IRS1: variants seen among roughly 807,000 people sequenced by gnomAD.
IRS1 encodes the protein insulin receptor substrate 1.
A neutral mutation model predicts 65.6 loss-of-function variants in IRS1; 34 were observed. The observed-to-expected ratio is 0.52, with a 90% CI of 0.39 to 0.69. The LOEUF is 0.69. IRS1 is among the 30% of genes least tolerant of loss of function. IRS1 has a pLI of 0.00. For missense variants in IRS1, 1,641 were observed against 1,720.2 expected (o/e 0.95, Z 0.81); for synonymous variants, 699 against 683.5 (o/e 1.02, Z -0.35).
intron 1 of IRS1, among the ~76,000 whole-genome samples, chr2:226,769,776 T>C (rs1172532485): frequency 6.6e-6 from 1 of 152,202 alleles, no homozygotes; most frequent in Non-Finnish European, 1.5e-5. Context: ...AAATTAGTCA[T>C]AAGCCAATGG....
chr2:226,759,001 A>G (rs1197758178), intron 1 of IRS1, among the ~76,000 whole-genome samples: 6 of 152,228 alleles, frequency 3.9e-5, no homozygotes, highest in Admixed American at 3.9e-4. Context: ...TTGTGTGATT[A>G]TACATTCACT....
intron 1 of IRS1, among the ~76,000 whole-genome samples, chr2:226,742,916 G>C (rs966780138): frequency 6.6e-6 from 1 of 152,120 alleles, no homozygotes; most frequent in Admixed American, 6.5e-5. Context: ...GTAATTAAAA[G>C]TATTCTGTCA....
intron 1 of IRS1, among the ~76,000 whole-genome samples, chr2:226,788,718 T>G (rs1939533832): frequency 6.6e-6 from 1 of 152,166 alleles, no homozygotes; most frequent in Non-Finnish European, 1.5e-5. Flanking sequence ...TACAATAAAT[T>G]TTTGTAACTA....
At chr2:226,756,519 C>A (rs189315522) in intron 1 of IRS1, among the ~76,000 whole-genome samples, 151 of 152,236 alleles carry the variant, frequency 9.9e-4, no homozygotes, top group African/African-American at 3.3e-3. Flanking sequence ...TAGAACACAA[C>A]TAGGACACAT....
intron 1 of IRS1, among the ~76,000 whole-genome samples, chr2:226,783,459 T>C (rs1261796006): frequency 3.9e-5 from 6 of 152,198 alleles, no homozygotes; most frequent in Admixed American, 2.0e-4. Flanking sequence ...TTTTGCCCCC[T>C]GTAAAGTGCC....
Position 226,771,145 on chromosome 2 carries a change from T to C in IRS1, c.*21+23844A>G, listed in dbSNP as rs555850471. On this transcript the variant is annotated intron_variant, in intron 1 of 1. Coordinates refer to ENST00000305123, the MANE Select transcript of IRS1 (RefSeq NM_005544.3). ...TTTGTGATTTTAAAGGTTACCCTAT[T>C]TTTATGGGAGGGAGTGGTATATGTA... is the stretch of plus-strand genomic sequence containing the variant. Among the ~76,000 whole-genome samples the C allele has an allele frequency of 9.9e-5, 15 of 152,214 alleles. No individual in the cohort carries two copies. The South Asian group carries it at 3.1e-3, about 32-fold the overall frequency.
rs890981223 is a variant in IRS1 at position 226,796,628 on chromosome 2, C to A, written c.2111G>T (p.Gly704Val). 1.2e-6 allele frequency: 2 copies of A among 1,613,840 alleles called. No individual in the cohort carries two copies. The highest frequency in any genetic ancestry group is 1.3e-5 in the African/African-American group (1 of 74,904). Residue 704 changes from glycine to valine, a missense_variant, in exon 1 of 2, where the codon GGG becomes GTG. Gly to Val is a moderately radical substitution (Grantham distance 109). Transcript: ENST00000305123. ...SYGKLWTNGV[G>V]GHHSHVLPHP... ...AGGCAAGACATGAGAGTGGTGGCCC[C>A]CTACCCCGTTTGTCCACAGCTTTCC...
chr2:226,797,220 C>A lies in IRS1; in HGVS notation c.1519G>T (p.Ala507Ser). The change falls in exon 1 of 2, where the codon GCT (alanine) becomes TCT (serine). Residue 507 changes from alanine (A) to serine (S), a missense_variant. Physicochemically the swap from Ala to Ser is moderately conservative, Grantham distance 99. Transcript: ENST00000305123. This position sits in a 1 kb window ranked among gnomAD's most constrained non-coding sequence, Gnocchi z 8.1. ...GCAGCACTGGCTGCTTCATCCCCAGCCAAGGCTGGACTCGTGCCCAAGCCT... is the reference window on the plus strand; with the variant it reads ...GCAGCACTGGCTGCTTCATCCCCAGACAAGGCTGGACTCGTGCCCAAGCCT... ...GTGLGTSPAL[A>S]GDEAASAADL... 1 of 1,613,634 alleles carries A rather than the reference C, an allele frequency of 6.2e-7. No individual in the cohort carries two copies. Among genetic ancestry groups the A allele is most frequent in the Non-Finnish European group, 8.5e-7 (1 of 1,179,996 alleles).
At chr2:226,770,239 A>G (rs1939137610) in intron 1 of IRS1, among the ~76,000 whole-genome samples, 1 of 152,258 alleles carries the variant, frequency 6.6e-6, no homozygotes, top group African/African-American at 2.4e-5. Context: ...TTTCCCCTCA[A>G]ACATGTGTGA....
rs1349427791 is a variant in IRS1 at position 226,798,474 on chromosome 2, G to A, written c.265C>T (p.Arg89Trp). ...KNKHLVALYT[R>W]DEHFAIAADS... is the part of the protein sequence containing the mutation. ...GCCGCGATGGCAAAGTGCTCGTCCC[G>A]GGTGTAGAGAGCCACCAGGTGCTTG... Residue 89 changes from arginine to tryptophan, a missense_variant, in exon 1 of 2, where the codon CGG (arginine) becomes TGG (tryptophan). Around this residue, in one of 3 missense-constraint regions of IRS1, gnomAD observed 240 missense variants for 229.6 expected, o/e 1.05. Transcript: ENST00000305123. This position sits in a 1 kb window ranked among gnomAD's most constrained non-coding sequence, Gnocchi z 9.4. The A allele has an allele frequency of 1.9e-6, 3 of 1,614,140 alleles. No individual in the cohort carries two copies. The highest frequency in any genetic ancestry group is 2.5e-6 in the Non-Finnish European group (3 of 1,180,026).
At chr2:226,746,549 A>G (rs1355831831) in intron 1 of IRS1, among the ~76,000 whole-genome samples, 1 of 152,120 alleles carries the variant, frequency 6.6e-6, no homozygotes, top group African/African-American at 2.4e-5. Context: ...GAGGCAGACA[A>G]TGGTGCAAAT....
Position 226,798,303 on chromosome 2 carries a change from C to T in IRS1, c.436G>A (p.Gly146Arg). Residue 146 changes from glycine to arginine, a missense_variant, in exon 1 of 2, where the codon GGG (glycine) becomes AGG (arginine). Gly to Arg is a moderately radical substitution (Grantham distance 125). Coordinates refer to ENST00000305123, the MANE Select transcript of IRS1 (RefSeq NM_005544.3). This position sits in a 1 kb window ranked among gnomAD's most constrained non-coding sequence, Gnocchi z 9.4. ...CSGSSGLGEA[G>R]EDLSYGDVPP... ...ACGTCACCGTAGCTCAAGTCCTCCC[C>T]AGCCTCACCAAGGCCGGAGCTGCCG... 6.2e-7 allele frequency: 1 copy of T among 1,613,194 alleles called. No individual in the cohort carries two copies. The highest frequency in any genetic ancestry group is 8.5e-7 in the Non-Finnish European group (1 of 1,179,892).
chr2:226,753,019 C>T (rs16822604), intron 1 of IRS1, among the ~76,000 whole-genome samples: 13,882 of 152,234 alleles, frequency 0.091, 1,215 homozygotes, highest in African/African-American at 0.23. Context: ...CATCAATTCA[C>T]TCTATCCAGT....
intron 1 of IRS1, among the ~76,000 whole-genome samples, chr2:226,776,821 G>A (rs191333402): frequency 3.9e-5 from 6 of 152,212 alleles, no homozygotes; most frequent in East Asian, 1.9e-4. Flanking sequence ...TAGGAGAATC[G>A]CTGGAATCCA....
At chr2:226,777,153 A>T (rs1166774664) in intron 1 of IRS1, among the ~76,000 whole-genome samples, 1 of 152,194 alleles carries the variant, frequency 6.6e-6, no homozygotes, top group Non-Finnish European at 1.5e-5. Flanking sequence ...TAAAGTATGG[A>T]CTTTAGTTAA....
intron 1 of IRS1, among the ~76,000 whole-genome samples, chr2:226,737,338 A>T (rs1218548181): frequency 6.6e-6 from 1 of 151,986 alleles, no homozygotes; most frequent in Non-Finnish European, 1.5e-5. Context: ...AATCCAGTCT[A>T]TCATTGTTGG....
chr2:226,733,173 A>G lies in IRS1; in HGVS notation c.*3099T>C, dbSNP rs1342799655. 1 of 152,190 alleles carries G rather than the reference A, an allele frequency of 6.6e-6. No individual in the cohort carries two copies. The highest frequency in any genetic ancestry group is 6.5e-5 in the Admixed American group (1 of 15,280). 9.4% of individuals were successfully genotyped at this position (152,190 alleles called of 1,614,324 possible). A position where few individuals can be genotyped will look rare whatever the true frequency, so the allele number is the denominator to read the frequency against. ...AAACAGGGCTTCAGTATTGTAAAAT[A>G]CTGTTTCTTACCATACAGAAAAATT... On this transcript the variant is annotated 3_prime_UTR_variant, in exon 2 of 2. Coordinates refer to ENST00000305123, the MANE Select transcript of IRS1 (RefSeq NM_005544.3).
intron 1 of IRS1, among the ~76,000 whole-genome samples, chr2:226,777,232 A>C (rs1222423059): frequency 6.6e-6 from 1 of 152,238 alleles, no homozygotes. Flanking sequence ...ATAAAGGCAG[A>C]AACTAGGTAT....
chr2:226,799,106 G>C lies in IRS1; in HGVS notation c.-368C>G. 8.4e-7 allele frequency: 1 copy of C among 1,193,072 alleles called. No homozygotes were observed. The highest frequency in any genetic ancestry group is 1.1e-6 in the Non-Finnish European group (1 of 945,432). 73.9% of individuals were successfully genotyped at this position (1,193,072 alleles called of 1,614,324 possible). Reference sequence around the variant, plus strand: ...CGGCTGGAGTCCGGCACAGGGAGGCGACAGTCGGGGGTCCCTGCGGTGCCC... The same window carrying C: ...CGGCTGGAGTCCGGCACAGGGAGGCCACAGTCGGGGGTCCCTGCGGTGCCC... On this transcript the variant is annotated 5_prime_UTR_variant, in exon 1 of 2. Coordinates refer to ENST00000305123, the MANE Select transcript of IRS1 (RefSeq NM_005544.3). The surrounding 1 kb of genome is among the most constrained non-coding windows in gnomAD (Gnocchi z 6.1).
Sources: gnomAD v4.1 joint callset for allele counts (sites outside exome capture counted in the v4.1 genomes callset) on GRCh38, gnomAD v4.1.1 for gene constraint, gnomAD v4.1.1 regional missense constraint, Gnocchi (gnomAD v3.1) non-coding constraint, MANE v1.5 for transcripts, NCBI Gene and HGNC (gene_info 2026-07-23, HGNC 2026-07-21) for gene names.